The following RUBCNL variants were observed in gnomAD, a reference collection of about 807,000 sequenced individuals.
The protein encoded by RUBCNL is rubicon like autophagy enhancer.
Under a neutral mutation model 69.5 loss-of-function variants are expected in RUBCNL, and 62 were observed. The ratio of observed to expected loss-of-function variants is 0.89; its 90% CI spans 0.73 to 1.10. The LOEUF (loss-of-function observed/expected upper bound fraction) is 1.10, where lower values mean the gene tolerates loss of function less well. RUBCNL is among the 50% of genes least tolerant of loss of function. The probability of loss-of-function intolerance (pLI) is 0.00; values close to 1 mark genes in which losing one functional copy is unlikely to be tolerated. For synonymous variants in RUBCNL, 291 were observed against 303.6 expected, an observed-to-expected ratio of 0.96 and a Z score of 0.43; for missense variants, 768 against 798.1, an observed-to-expected ratio of 0.96 and a Z score of 0.45.
intron 7 of RUBCNL, 148 bp from the exon 8 acceptor site, chr13:46,361,721 T>C: frequency 1.4e-6 from 1 of 714,432 alleles, no homozygotes; most frequent in Non-Finnish European, 2.3e-6. Context: ...TCACCAGGCA[T>C]CTTACTCAAC....
Position 46,372,113 on chromosome 13 carries a change from A to C in RUBCNL, c.363T>G (p.Ser121Arg), listed in dbSNP as rs1195982622. 1 of 1,613,828 alleles carries C rather than the reference A, an allele frequency of 6.2e-7. No individual in the cohort carries two copies. The highest frequency in any genetic ancestry group is 1.1e-5 in the South Asian group (1 of 91,076). ...SVGSASPHGSSEKSSSFSLSS... is the reference protein window; with the variant it reads ...SVGSASPHGSREKSSSFSLSS... ...ACAGAGAGAAGCTGCTACTCTTTTCACTCGAGCCATGGGGAGAAGCGCTGC... is the reference window on the plus strand; with the variant it reads ...ACAGAGAGAAGCTGCTACTCTTTTCCCTCGAGCCATGGGGAGAAGCGCTGC... The change falls in exon 3 of 15, where the codon AGT becomes AGG. Residue 121 changes from serine to arginine, a missense_variant. Coordinates refer to ENST00000429979, the MANE Select transcript of RUBCNL (RefSeq NM_025113.5).
At chr13:46,359,712 T>C in intron 8 of RUBCNL, 81 bp from the exon 9 acceptor site, 1 of 1,295,604 alleles carries the variant, frequency 7.7e-7, no homozygotes, top group East Asian at 2.6e-5. Context: ...TAAATGTATT[T>C]CCAACATTAA....
rs1381671840 is a variant in RUBCNL at position 46,338,212 on chromosome 13, T to C, written c.*5173A>G. Among the ~76,000 whole-genome samples the C allele has an allele frequency of 6.6e-6, 1 of 152,210 alleles. No homozygotes were observed. The highest frequency in any genetic ancestry group is 1.5e-5 in the Non-Finnish European group (1 of 68,032). ...ATCCAAGTATTTAAAATTTGAAATA[T>C]GTTTTATCTTCCTACCATGGTGAAT... On this transcript the variant is annotated 3_prime_UTR_variant, in exon 15 of 15. Transcript: ENST00000429979.
intron 9 of RUBCNL, among the ~76,000 whole-genome samples, chr13:46,357,383 G>A (rs778207442): frequency 4.7e-5 from 7 of 150,078 alleles, no homozygotes; most frequent in African/African-American, 1.2e-4. Context: ...AGAAGTCAGC[G>A]TCACTGATAA....
At chr13:46,369,061 G>C (rs1468184403) in intron 3 of RUBCNL, among the ~76,000 whole-genome samples, 1 of 152,180 alleles carries the variant, frequency 6.6e-6, no homozygotes, top group East Asian at 1.9e-4. Flanking sequence ...CACCGGAGTG[G>C]AGGAGACCAA....
chr13:46,349,325 T>C lies in RUBCNL; in HGVS notation c.1592A>G (p.His531Arg), dbSNP rs1481601237. ...ACAGGTCTTCAACAGCTTCTTGATA[T>C]GGAAGAGCTGCTCCTGAATTTCCTA... is the stretch of plus-strand genomic sequence containing the variant. ...RVKEIQEQLFHIKKLLKTCRF... is the reference protein window; with the variant it reads ...RVKEIQEQLFRIKKLLKTCRF... The change falls in exon 12 of 15, where the codon CAT becomes CGT. Residue 531 changes from histidine (H) to arginine (R), a missense_variant. Physicochemically the swap from His to Arg is conservative, Grantham distance 29. Coordinates refer to ENST00000429979, the MANE Select transcript of RUBCNL (RefSeq NM_025113.5). The C allele has an allele frequency of 6.2e-7, 1 of 1,613,774 alleles. No individual in the cohort carries two copies. Among genetic ancestry groups the C allele is most frequent in the Non-Finnish European group, 8.5e-7 (1 of 1,179,744 alleles).
At chr13:46,343,771 G>A (rs1200124295) in intron 14 of RUBCNL, among the ~76,000 whole-genome samples, 2 of 152,162 alleles carry the variant, frequency 1.3e-5, no homozygotes, top group Non-Finnish European at 2.9e-5. Context: ...ACTGAGGCAG[G>A]CGTTTCCCCA....
intron 2 of RUBCNL, among the ~76,000 whole-genome samples, chr13:46,375,308 G>A (rs913762182): frequency 1.1e-4 from 16 of 152,306 alleles, no homozygotes; most frequent in African/African-American, 3.8e-4. Context: ...CAAGGCGGGT[G>A]GAGAACCTGA....
intron 1 of RUBCNL, among the ~76,000 whole-genome samples, chr13:46,383,423 C>T (rs2049164773): frequency 6.6e-6 from 1 of 152,214 alleles, no homozygotes; most frequent in Admixed American, 6.5e-5. Flanking sequence ...ATAGCCTTCT[C>T]TACAGCATTC....
intron 1 of RUBCNL, among the ~76,000 whole-genome samples, chr13:46,384,508 T>A (rs1428916232): frequency 9.9e-5 from 15 of 152,216 alleles, no homozygotes; most frequent in Admixed American, 9.8e-4. Flanking sequence ...ATTTTCATCA[T>A]CTAAAATCAA....
chr13:46,368,720 A>C lies in RUBCNL; in HGVS notation c.618+13T>G. 6.2e-7 allele frequency: 1 copy of C among 1,602,818 alleles called. No individual in the cohort carries two copies. Among genetic ancestry groups the C allele is most frequent in the South Asian group, 1.1e-5 (1 of 89,778 alleles). ...AAGACTCTATGGTTAAAAAGAAAGAAGATAGCATTCACCTTTTCTACATCA... is the reference window on the plus strand; with the variant it reads ...AAGACTCTATGGTTAAAAAGAAAGACGATAGCATTCACCTTTTCTACATCA... On this transcript the variant is annotated intron_variant, in intron 4 of 14. Coordinates refer to ENST00000429979, the MANE Select transcript of RUBCNL (RefSeq NM_025113.5).
chr13:46,384,844 A>G (rs1594190655), intron 1 of RUBCNL, among the ~76,000 whole-genome samples: 1 of 152,186 alleles, frequency 6.6e-6, no homozygotes, highest in East Asian at 1.9e-4. Flanking sequence ...TCAATGTAGA[A>G]TTATTATCAT....
intron 3 of RUBCNL, among the ~76,000 whole-genome samples, chr13:46,371,213 G>T (rs1250176653): frequency 2.6e-5 from 4 of 152,148 alleles, no homozygotes; most frequent in Non-Finnish European, 4.4e-5. Flanking sequence ...GAAAGAAAAA[G>T]CTTCATTGAT....
At position 46,359,597 on chromosome 13, in the gene RUBCNL, T is replaced by G; in HGVS notation, c.1154A>C (p.Glu385Ala). 1 of 1,592,582 alleles carries G rather than the reference T, an allele frequency of 6.3e-7. No individual in the cohort carries two copies. Among genetic ancestry groups the G allele is most frequent in the South Asian group, 1.1e-5 (1 of 87,718 alleles). The stretch of plus-strand genomic sequence containing the variant: ...TTCCTGTACTACATTCATACTGGAT[T>G]CAAAGTCTTTTCGGACACACTCTTC... ...VNEECVRKDF[E>A]SSMNVVQEIK... is the part of the protein sequence containing the mutation. Residue 385 changes from glutamate to alanine, a missense_variant, in exon 9 of 15, where the codon GAA becomes GCA. Glu to Ala is a moderately radical substitution (Grantham distance 107). Transcript: ENST00000429979.
rs746736991 is a variant in RUBCNL, at chr13:46,362,962, A to ATC, written c.925+152_925+153insGA. On this transcript the variant is annotated intron_variant, in intron 6 of 14. Coordinates refer to ENST00000429979, the MANE Select transcript of RUBCNL (RefSeq NM_025113.5). ...TAGATATATATATATATATATATAT[A>ATC]TATATATATATATCAGGGCCATAAT... Among the ~76,000 whole-genome samples the ATC allele has an allele frequency of 1.1e-3, 101 of 94,206 alleles. 2 individuals carry two copies. Among genetic ancestry groups the ATC allele is most frequent in the Middle Eastern group, 5.3e-3 (1 of 190 alleles). 61.8% of individuals were successfully genotyped at this position (94,206 alleles called of 152,430 possible).
rs1305149224 is a variant in RUBCNL, at chr13:46,372,506, T to C, written c.-31A>G. 1.9e-6 allele frequency: 3 copies of C among 1,562,206 alleles called. No individual in the cohort carries two copies. The African/African-American group carries it at 4.1e-5, about 21-fold the overall frequency. On this transcript the variant is annotated 5_prime_UTR_variant, in exon 3 of 15. It removes an upstream start codon present in the reference 5' UTR. Transcript: ENST00000429979. ...CAGGCTTGTGGCTGGTGTGAATCCA[T>C]TCAAAACAGATAGGAGTTCCCTGAT... is the stretch of plus-strand genomic sequence containing the variant.
intron 9 of RUBCNL, among the ~76,000 whole-genome samples, chr13:46,359,004 C>T (rs1231159283): frequency 3.3e-5 from 5 of 152,008 alleles, no homozygotes; most frequent in South Asian, 4.2e-4. Flanking sequence ...ATAGGCTGAG[C>T]GAGGTGGCTC....
intron 1 of RUBCNL, among the ~76,000 whole-genome samples, chr13:46,383,205 A>G (rs2049159369): frequency 6.6e-6 from 1 of 152,192 alleles, no homozygotes; most frequent in South Asian, 2.1e-4. Flanking sequence ...AAAACCTTCA[A>G]TTTGCTACAT....
At chr13:46,373,202 G>C (rs1808615923) in intron 2 of RUBCNL, among the ~76,000 whole-genome samples, 1 of 152,068 alleles carries the variant, frequency 6.6e-6, no homozygotes, top group Non-Finnish European at 1.5e-5. Context: ...TCAAACTCCT[G>C]ACCTCAGGTG....
Sources: gnomAD v4.1 joint callset for allele counts (sites outside exome capture counted in the v4.1 genomes callset) on GRCh38, gnomAD v4.1.1 for gene constraint, MANE v1.5 for transcripts, NCBI Gene and HGNC (gene_info 2026-07-23, HGNC 2026-07-21) for gene names.